The following DPP6 variants were observed in gnomAD, a reference collection of about 807,000 sequenced individuals.
DPP6 encodes dipeptidyl peptidase like 6, also known as A-type potassium channel modulatory protein DPP6.
DPP6 carries 69 observed loss-of-function variants against 122.6 expected under a neutral mutation model. The observed-to-expected ratio is 0.56, with a 90% CI of 0.46 to 0.69. The LOEUF is 0.69. Among genes scored for constraint, DPP6 ranks in the 30% least tolerant of loss-of-function variants. The probability of loss-of-function intolerance (pLI) is 0.00; values close to 1 mark genes in which losing one functional copy is unlikely to be tolerated. For missense variants in DPP6, 928 were observed against 1,116.9 expected, an observed-to-expected ratio of 0.83 and a Z score of 2.41; for synonymous variants, 418 against 433.1, an observed-to-expected ratio of 0.97 and a Z score of 0.43.
intron 1 of DPP6, among the ~76,000 whole-genome samples, chr7:154,067,938 T>C (rs139782723): frequency 6.8e-6 from 1 of 147,900 alleles, no homozygotes; most frequent in African/African-American, 2.7e-5. Context: ...TTGTTTGTTT[T>C]TTTGATAAAG....
chr7:154,173,746 C>G (rs1185073197), intron 1 of DPP6, among the ~76,000 whole-genome samples: 1 of 152,184 alleles, frequency 6.6e-6, no homozygotes. Context: ...CCAACGCAGA[C>G]TCACCCTTTC....
chr7:154,728,814 C>G (rs1395671794), intron 8 of DPP6, among the ~76,000 whole-genome samples: 2 of 152,174 alleles, frequency 1.3e-5, no homozygotes, highest in Non-Finnish European at 2.9e-5. Flanking sequence ...AGAGAGAGCT[C>G]TGGTCTTTTT....
chr7:153,836,804 G>A, the DPP6 span, among the ~76,000 whole-genome samples: 2 of 152,248 alleles, frequency 1.3e-5, no homozygotes, highest in Admixed American at 1.3e-4. Context: ...TATTAAACCA[G>A]GTCATGAATT....
At chr7:154,166,259 G>A (rs1392772129) in intron 1 of DPP6, among the ~76,000 whole-genome samples, 1 of 152,206 alleles carries the variant, frequency 6.6e-6, no homozygotes, top group East Asian at 1.9e-4. Context: ...GCGTGTCACT[G>A]TGGGTGCAAA....
chr7:154,194,673 A>G (rs1403560175), intron 1 of DPP6, among the ~76,000 whole-genome samples: 1 of 152,194 alleles, frequency 6.6e-6, no homozygotes, highest in Non-Finnish European at 1.5e-5. Flanking sequence ...ATCCCTTCCA[A>G]TAGGCGTATA....
At chr7:153,999,029 C>G (rs1357730086) in intron 1 of DPP6, among the ~76,000 whole-genome samples, 3 of 152,236 alleles carry the variant, frequency 2.0e-5, no homozygotes, top group South Asian at 2.1e-4. Flanking sequence ...ATGACTGATT[C>G]CTTCCAGGTG....
chr7:154,049,681 G>A (rs866701094), upstream of DPP6, among the ~76,000 whole-genome samples: 4,626 of 144,030 alleles, frequency 0.032, 87 homozygotes, highest in African/African-American at 0.11. Context: ...TCCGCCTCCC[G>A]GGTTCAAGCA....
At chr7:154,433,157 TTTTTTTG>T (rs1818578093) in intron 1 of DPP6, among the ~76,000 whole-genome samples, 1 of 138,510 alleles carries the variant, frequency 7.2e-6, no homozygotes, top group African/African-American at 2.8e-5. Context: ...TTTTTTTTTT[TTTTTTTG>T]AGACAGAGTC....
rs917985089 is a variant in DPP6, at chr7:154,757,998, C to T, written c.884-11419C>T. Among the ~76,000 whole-genome samples, 13 of 152,218 alleles carry T rather than the reference C, an allele frequency of 8.5e-5. No homozygotes were observed. The East Asian group carries it at 1.2e-3, about 14-fold the overall frequency. ...CCGCCCTCTCCCCGCCGCCCTCTCC[C>T]GCCACGCACGGCCTCCTGGCAGCTC... On this transcript the variant is annotated intron_variant, in intron 8 of 25. Coordinates refer to ENST00000377770, the MANE Select transcript of DPP6 (RefSeq NM_130797.4).
chr7:154,248,603 C>G (rs1262318506), intron 1 of DPP6, among the ~76,000 whole-genome samples: 1 of 152,210 alleles, frequency 6.6e-6, no homozygotes, highest in Non-Finnish European at 1.5e-5. Flanking sequence ...CCGTGGCTCA[C>G]ACCTGTAATC....
In DPP6 at chr7:154,127,640, C is replaced by G. The variant is rs868370986; in HGVS notation, c.243+74577C>G. On this transcript the variant is annotated intron_variant, in intron 1 of 25. Coordinates refer to ENST00000377770, the MANE Select transcript of DPP6 (RefSeq NM_130797.4). ...ACACACACACACACACACAGACACA[C>G]ACACACACACAGACACACACACACA... Among the ~76,000 whole-genome samples, 561 of 106,970 alleles carry G rather than the reference C, an allele frequency of 5.2e-3. 2 individuals carry two copies. The highest frequency in any genetic ancestry group is 0.011 in the African/African-American group (251 of 23,362). 70.2% of individuals were successfully genotyped at this position (106,970 alleles called of 152,430 possible).
At chr7:154,744,421 C>T (rs1238950476) in intron 8 of DPP6, among the ~76,000 whole-genome samples, 1 of 152,252 alleles carries the variant, frequency 6.6e-6, no homozygotes, top group Non-Finnish European at 1.5e-5. Flanking sequence ...CACCTGGCGG[C>T]CAGCCGAGGC....
chr7:154,417,275 T>C (rs1378893582), intron 1 of DPP6, among the ~76,000 whole-genome samples: 1 of 152,208 alleles, frequency 6.6e-6, no homozygotes, highest in Non-Finnish European at 1.5e-5. Flanking sequence ...TTTTCCAATT[T>C]TCATCTACAT....
At chr7:154,734,024 G>A (rs769745275) in intron 8 of DPP6, among the ~76,000 whole-genome samples, 20 of 152,220 alleles carry the variant, frequency 1.3e-4, no homozygotes, top group African/African-American at 4.3e-4. Flanking sequence ...TGTGACCATC[G>A]ATAACTGGTA....
chr7:154,466,367 A>G lies in DPP6; in HGVS notation c.359-8572A>G, dbSNP rs141384686. Among the ~76,000 whole-genome samples, 3 of 152,290 alleles carry G rather than the reference A, an allele frequency of 2.0e-5. No individual in the cohort carries two copies. In the East Asian group the frequency reaches 5.8e-4, roughly 29 times the overall value. On this transcript the variant is annotated intron_variant, in intron 2 of 25. Coordinates refer to ENST00000377770, the MANE Select transcript of DPP6 (RefSeq NM_130797.4). ...CTTAAAGTGTACTAAAAAAATAAAT[A>G]AATGCAGAATTTCATTTCTCACACT...
intron 1 of DPP6, among the ~76,000 whole-genome samples, chr7:154,114,701 A>G (rs551395484): frequency 1.3e-5 from 2 of 152,272 alleles, no homozygotes; most frequent in African/African-American, 2.4e-5. Context: ...CACTCTCCAT[A>G]CTGATGTTAT....
chr7:154,831,898 T>C (rs1464911), intron 16 of DPP6, among the ~76,000 whole-genome samples: 96,139 of 152,130 alleles, frequency 0.63, 33,254 homozygotes, highest in East Asian at 0.84. Context: ...AGCTGCTAGC[T>C]TGAGATTCTG....
intron 1 of DPP6, among the ~76,000 whole-genome samples, chr7:154,108,017 T>C (rs1352022028): frequency 1.3e-5 from 2 of 152,222 alleles, no homozygotes; most frequent in Non-Finnish European, 2.9e-5. Context: ...AAATAATTCA[T>C]GGGGACTGGA....
At chr7:154,710,974 A>G (rs1454140830) in intron 7 of DPP6, among the ~76,000 whole-genome samples, 2 of 152,230 alleles carry the variant, frequency 1.3e-5, no homozygotes, top group African/African-American at 4.8e-5. Flanking sequence ...ACTTTTATTT[A>G]CTACAGAAAT....
Sources: gnomAD v4.1 joint callset for allele counts (sites outside exome capture counted in the v4.1 genomes callset) on GRCh38, gnomAD v4.1.1 for gene constraint, MANE v1.5 for transcripts, NCBI Gene and HGNC (gene_info 2026-07-23, HGNC 2026-07-21) for gene names.